Variants in PSG1 observed in about 807,000 individuals in gnomAD.
The protein encoded by PSG1 is pregnancy specific beta-1-glycoprotein 1.
In PSG1, 60 loss-of-function variants were observed where a neutral mutation model predicts 41.4. That is an observed-to-expected ratio of 1.45 (90% CI 1.18 to 1.80). The LOEUF (loss-of-function observed/expected upper bound fraction) is 1.80, where lower values mean the gene tolerates loss of function less well. PSG1 is among the 40% of genes most tolerant of loss of function. The probability of loss-of-function intolerance (pLI) is 0.00; values close to 1 mark genes in which losing one functional copy is unlikely to be tolerated. For synonymous variants in PSG1, 256 were observed against 192.9 expected, an observed-to-expected ratio of 1.33 and a Z score of -2.71; for missense variants, 806 against 516.9, an observed-to-expected ratio of 1.56 and a Z score of -5.42.
rs1971784665 is a variant in PSG1 at position 42,879,634 on chromosome 19, AAC to A, written c.-55_-54del. The A allele has an allele frequency of 6.2e-7, 1 of 1,601,698 alleles. No homozygotes were observed. Among genetic ancestry groups the A allele is most frequent in the Admixed American group, 1.7e-5 (1 of 59,504 alleles). The stretch of plus-strand genomic sequence containing the variant: ...TGTGGAGATAAGCCTAGGATCCAGA[AAC>A]TCTCTGAGCACGGCTGTCAGCTGTG... On this transcript the variant is annotated 5_prime_UTR_variant, in exon 1 of 6. Coordinates refer to ENST00000436291, the MANE Select transcript of PSG1 (RefSeq NM_001184825.2).
rs547375658 is a variant in PSG1, at chr19:42,873,484, A to G, written c.431-1439T>C. 1.6e-3 allele frequency among the ~76,000 whole-genome samples: 238 copies of G among 151,766 alleles called. 2 individuals are homozygous for G. The highest frequency in any genetic ancestry group is 2.4e-3 in the Non-Finnish European group (160 of 67,908). On this transcript the variant is annotated intron_variant, in intron 2 of 5. Transcript: ENST00000436291. The stretch of plus-strand genomic sequence containing the variant: ...AGACCTCATGTTATATTCTGACTCT[A>G]GTAACAAAAAAAATTTGGAGGAAAC...
chr19:42,871,759 A>T lies in PSG1; in HGVS notation c.709+8T>A, dbSNP rs202154047. On this transcript the variant is annotated splice_region_variant and intron_variant, in intron 3 of 5. Transcript: ENST00000436291. ...AGCCTGGCTCACAGAGGAACAGAAG[A>T]TACTCACGGAGGAGATTCAGGGTGA... is the stretch of plus-strand genomic sequence containing the variant. The T allele has an allele frequency of 2.5e-4, 409 of 1,612,468 alleles. 11 individuals are homozygous for T. The highest frequency in any genetic ancestry group is 3.3e-4 in the Middle Eastern group (2 of 6,082).
intron 3 of PSG1, 106 bp downstream of exon 3, chr19:42,871,661 G>C: frequency 1.9e-6 from 3 of 1,610,402 alleles, no homozygotes; most frequent in Non-Finnish European, 2.5e-6. Context: ...TGATGTCCAG[G>C]GGTAAAGGTC....
Position 42,878,163 on chromosome 19 carries a change from C to T in PSG1, c.180G>A (p.Gln60=). Residue 60 remains glutamine (Q), a synonymous_variant, in exon 2 of 6, where the codon CAG becomes CAA. Coordinates refer to ENST00000436291, the MANE Select transcript of PSG1 (RefSeq NM_001184825.2). ...DVLLLVHNLP[Q]NLTGYIWYKG... is the part of the protein sequence containing the mutation. ...TGTACCAGATGTAGCCGGTAAGATT[C>T]TGGGGCAAATTGTGGACAAGTAGAA... 1 of 1,612,154 alleles carries T rather than the reference C, an allele frequency of 6.2e-7. No homozygotes were observed.
Position 42,878,245 on chromosome 19 carries a change from G to T in PSG1, c.98C>A (p.Thr33Asn), listed in dbSNP as rs112058279. The change falls in exon 2 of 6, where the codon ACT becomes AAT. Residue 33 changes from threonine (T) to asparagine (N), a missense_variant. Transcript: ENST00000436291. ...SLLNFWNLPTTAQVTIEAEPT... is the reference protein window; with the variant it reads ...SLLNFWNLPTNAQVTIEAEPT... ...CTCGGCTTCAATCGTGACTTGGGCAGTGGTGGGCAGGTTCCAGAAGTTTAA... is the reference window on the plus strand; with the variant it reads ...CTCGGCTTCAATCGTGACTTGGGCATTGGTGGGCAGGTTCCAGAAGTTTAA... 6.6e-3 allele frequency: 10,550 copies of T among 1,610,004 alleles called. 740 individuals are homozygous for T. In the African/African-American group the frequency reaches 0.12, roughly 19 times the overall value.
chr19:42,878,092 A>G lies in PSG1; in HGVS notation c.251T>C (p.Val84Ala). Residue 84 changes from valine (V) to alanine (A), a missense_variant, in exon 2 of 6, where the codon GTA (valine) becomes GCA (alanine). Transcript: ENST00000436291. The stretch of plus-strand genomic sequence containing the variant: ...CCCATATATAATTATTTCACCGTCT[A>G]CTACATATGATGTAATGTAATGGTA... ...DLYHYITSYV[V>A]DGEIIIYGPA... 1 of 1,612,302 alleles carries G rather than the reference A, an allele frequency of 6.2e-7. No individual in the cohort carries two copies. Among genetic ancestry groups the G allele is most frequent in the Non-Finnish European group, 8.5e-7 (1 of 1,179,106 alleles).
At chr19:42,867,898 T>G (rs1971200190) in intron 5 of PSG1, 3 of 1,467,436 alleles carry the variant, frequency 2.0e-6, no homozygotes, top group African/African-American at 1.4e-5. Flanking sequence ...TGGTCTAGGC[T>G]GGGAATATTA....
In PSG1 at chr19:42,868,735, A is replaced by G. The variant is rs754032088; in HGVS notation, c.988+21T>C. On this transcript the variant is annotated intron_variant, in intron 4 of 5. Transcript: ENST00000436291. ...GATTTAAGCTGGTGTCCTGGCCCAC[A>G]GAGGAACAAAAGATACTCACAGAGG... The G allele has an allele frequency of 3.1e-6, 5 of 1,610,492 alleles. 1 individual carries two copies. The highest frequency in any genetic ancestry group is 4.2e-6 in the Non-Finnish European group (5 of 1,177,946).
chr19:42,868,969 T>G lies in PSG1; in HGVS notation c.775A>C (p.Asn259His), dbSNP rs3199363. The change falls in exon 4 of 6, where the codon AAC becomes CAC. Residue 259 changes from asparagine (N) to histidine (H), a missense_variant. By Grantham distance (68) the Asn-to-His change is moderately conservative. Transcript: ENST00000436291. ...TCACTCTTAGGTTCACAGGTGAAGTTTAAGACATCCTTATTCTCCCTGGGG... is the reference window on the plus strand; with the variant it reads ...TCACTCTTAGGTTCACAGGTGAAGTGTAAGACATCCTTATTCTCCCTGGGG... ...LNPRENKDVL[N>H]FTCEPKSENY... The G allele has an allele frequency of 3.1e-6, 5 of 1,610,334 alleles. No individual in the cohort carries two copies. The highest frequency in any genetic ancestry group is 2.2e-5 in the East Asian group (1 of 44,804).
At chr19:42,871,683 C>G in intron 3 of PSG1, 84 bp downstream of exon 3, 1 of 1,612,022 alleles carries the variant, frequency 6.2e-7, no homozygotes, top group Non-Finnish European at 8.5e-7. Flanking sequence ...CTGTATTGGA[C>G]CTGAGAGGGA....
At chr19:42,879,177 G>T (rs1216925414) in intron 1 of PSG1, among the ~76,000 whole-genome samples, 3 of 142,494 alleles carry the variant, frequency 2.1e-5, no homozygotes, top group Non-Finnish European at 3.0e-5. Flanking sequence ...TTTTGAGATG[G>T]AGTCTTGTAC....
intron 3 of PSG1, chr19:42,870,401 T>C (rs1478544103): frequency 6.6e-6 from 1 of 151,538 alleles, no homozygotes; most frequent in East Asian, 1.9e-4. Flanking sequence ...CCCTTTTTTT[T>C]CTCTCACCAC....
At position 42,866,937 on chromosome 19, in the gene PSG1, T is replaced by C. The variant is rs755835200; in HGVS notation, c.*197A>G. The C allele has an allele frequency of 1.4e-6, 1 of 727,008 alleles. No homozygotes were observed. Among genetic ancestry groups the C allele is most frequent in the Non-Finnish European group, 2.5e-6 (1 of 397,814 alleles). The allele number at this position is 727,008 out of a possible 1,614,324, so 45.0% of individuals were successfully genotyped here. A position where few individuals can be genotyped will look rare whatever the true frequency, so the allele number is the denominator to read the frequency against. The stretch of plus-strand genomic sequence containing the variant: ...TGAAGTCATCCACTTGTTGTCCTGG[T>C]TTACAGTTTGAGCATCTGTTGTTAT... On this transcript the variant is annotated 3_prime_UTR_variant, in exon 6 of 6. Transcript: ENST00000436291.
intron 2 of PSG1, among the ~76,000 whole-genome samples, chr19:42,872,904 G>C (rs1306011586): frequency 6.6e-6 from 1 of 151,778 alleles, no homozygotes; most frequent in Admixed American, 6.6e-5. Flanking sequence ...ACGGAAGTCT[G>C]GCCCTCATGG....
chr19:42,879,307 C>A (rs1049275988), intron 1 of PSG1, among the ~76,000 whole-genome samples: 7 of 151,266 alleles, frequency 4.6e-5, no homozygotes, highest in Admixed American at 1.3e-4. Context: ...AGCACACCAC[C>A]ATACCTGGTT....
In PSG1 at chr19:42,873,720, G is replaced by T. The variant is rs553424262; in HGVS notation, c.431-1675C>A. Among the ~76,000 whole-genome samples, 5 of 151,744 alleles carry T rather than the reference G, an allele frequency of 3.3e-5. 1 individual carries two copies. The highest frequency in any genetic ancestry group is 1.3e-4 in the Admixed American group (2 of 15,192). Reference sequence around the variant, plus strand: ...AGAGTCCCATTGAAAGGACCGAACTGGTCAGTGCATCAATTACATAAAGGG... The same window carrying T: ...AGAGTCCCATTGAAAGGACCGAACTTGTCAGTGCATCAATTACATAAAGGG... On this transcript the variant is annotated intron_variant, in intron 2 of 5. Coordinates refer to ENST00000436291, the MANE Select transcript of PSG1 (RefSeq NM_001184825.2).
chr19:42,878,074 A>G lies in PSG1; in HGVS notation c.269T>C (p.Ile90Thr), dbSNP rs561234579. The G allele has an allele frequency of 4.5e-5, 73 of 1,612,306 alleles. 1 individual carries two copies. Among genetic ancestry groups the G allele is most frequent in the Admixed American group, 3.8e-4 (23 of 59,874 alleles). The part of the protein sequence containing the change: ...TSYVVDGEII[I>T]YGPAYSGRET... Reference sequence around the variant, plus strand: ...TCGTCCACTATATGCAGGCCCATATATAATTATTTCACCGTCTACTACATA... The same window carrying G: ...TCGTCCACTATATGCAGGCCCATATGTAATTATTTCACCGTCTACTACATA... Residue 90 changes from isoleucine to threonine, a missense_variant, in exon 2 of 6, where the codon ATA (isoleucine) becomes ACA (threonine). Coordinates refer to ENST00000436291, the MANE Select transcript of PSG1 (RefSeq NM_001184825.2).
chr19:42,868,296 G>A lies in PSG1; in HGVS notation c.1048C>T (p.Leu350Phe), dbSNP rs776715900. The change falls in exon 5 of 6, where the codon CTC becomes TTC. Residue 350 changes from leucine to phenylalanine, a missense_variant. Physicochemically the swap from Leu to Phe is conservative, Grantham distance 22 (BLOSUM62 0). Transcript: ENST00000436291. Reference protein sequence around the residue: ...SFTYYRSGEVLYLSCSADSNP... With the variant: ...SFTYYRSGEVFYLSCSADSNP... ...GAGTCCGCAGAACAGGACAAGTAGA[G>A]GACTTCTCCTGAACGGTAATAGGTG... 4.3e-6 allele frequency: 7 copies of A among 1,612,168 alleles called. No individual in the cohort carries two copies. The South Asian group carries it at 7.7e-5, about 18-fold the overall frequency.
intron 2 of PSG1, among the ~76,000 whole-genome samples, chr19:42,875,764 A>C (rs1366216345): frequency 6.6e-6 from 1 of 151,478 alleles, no homozygotes; most frequent in Non-Finnish European, 1.5e-5. Context: ...ACTTGGAGTC[A>C]TTAAAATCTT....
Sources: allele counts gnomAD v4.1 joint callset (sites outside exome capture counted in the v4.1 genomes callset), GRCh38; gene constraint gnomAD v4.1.1; transcripts MANE v1.5; gene names NCBI Gene and HGNC (gene_info 2026-07-23, HGNC 2026-07-21).